The following UBXN11 variants were observed in gnomAD, a reference collection of about 807,000 sequenced individuals.
UBXN11 encodes the protein UBX domain protein 11, also known as UBX domain-containing protein 11.
In UBXN11, 47 loss-of-function variants were observed where a neutral mutation model predicts 62.8. The observed-to-expected ratio is 0.75, with a 90% CI of 0.59 to 0.95. The LOEUF (loss-of-function observed/expected upper bound fraction) is 0.95, where lower values mean the gene tolerates loss of function less well. Ranked by LOEUF, UBXN11 falls within the 40% of genes least tolerant of loss-of-function variation. UBXN11 has a pLI of 0.00. For missense variants in UBXN11, 638 were observed against 661.7 expected (o/e 0.96, Z 0.39); for synonymous variants, 294 against 267.0 (o/e 1.10, Z -0.99).
At chr1:26,292,809 G>A (rs1244792065) in intron 8 of UBXN11, among the ~76,000 whole-genome samples, 2 of 151,900 alleles carry the variant, frequency 1.3e-5, no homozygotes, top group African/African-American at 2.4e-5. Flanking sequence ...AGCCGAGATT[G>A]TGCCATTGCA....
chr1:26,302,750 C>T, intron 2 of UBXN11, 63 bp downstream of exon 2: 1 of 1,552,152 alleles, frequency 6.4e-7, no homozygotes, highest in Non-Finnish European at 8.8e-7. Flanking sequence ...GTCCTCTGGC[C>T]ATGGAAGGAT....
upstream of UBXN11, among the ~76,000 whole-genome samples, chr1:26,307,377 T>C (rs1028883240): frequency 1.3e-5 from 2 of 152,152 alleles, no homozygotes; most frequent in African/African-American, 4.8e-5. Flanking sequence ...CTACCCCCAC[T>C]GGGTTGCCGT....
intron 8 of UBXN11, 63 bp from the exon 9 acceptor site, chr1:26,286,100 C>T (rs1262882264): frequency 1.4e-6 from 2 of 1,457,786 alleles, no homozygotes; most frequent in African/African-American, 1.4e-5. Context: ...GCAGCCCTAG[C>T]CTCTGTGGCT....
At chr1:26,309,582 A>T (rs2073719686), upstream of UBXN11, among the ~76,000 whole-genome samples, 1 of 152,130 alleles carries the variant, frequency 6.6e-6, no homozygotes, top group Admixed American at 6.6e-5. Context: ...GGAAAGTCAG[A>T]GCCTTATTAT....
At chr1:26,315,575 C>T (rs936026696) in intron 1 of UBXN11, among the ~76,000 whole-genome samples, 5 of 152,186 alleles carry the variant, frequency 3.3e-5, no homozygotes, top group African/African-American at 1.2e-4. Context: ...TGGCTGGGGA[C>T]TCCTCCCTCT....
At chr1:26,305,242 C>T (rs543740913) in intron 1 of UBXN11, among the ~76,000 whole-genome samples, 8 of 151,838 alleles carry the variant, frequency 5.3e-5, no homozygotes, top group South Asian at 4.2e-4. Context: ...CTAGGATTAC[C>T]GGCGTGAGCC....
rs1333053051 is a variant in UBXN11 at position 26,284,175 on chromosome 1, A to C, written c.1044T>G (p.Ile348Met). 1 of 1,612,672 alleles carries C rather than the reference A, an allele frequency of 6.2e-7. No homozygotes were observed. The highest frequency in any genetic ancestry group is 1.3e-5 in the African/African-American group (1 of 74,884). Residue 348 changes from isoleucine (I) to methionine (M), a missense_variant, in exon 12 of 15, where the codon ATT (isoleucine) becomes ATG (methionine). By Grantham distance (10) the Ile-to-Met change is conservative. Coordinates refer to ENST00000374222, the MANE Select transcript of UBXN11 (RefSeq NM_001389556.1). ...PKFVIRQGEV[I>M]DIRGPIRDTL... is the part of the protein sequence containing the mutation. Reference sequence around the variant, plus strand: ...TGTCCCTGATGGGGCCCCGGATGTCAATCACCTCGCCTTGCCGGATCACAA... The same window carrying C: ...TGTCCCTGATGGGGCCCCGGATGTCCATCACCTCGCCTTGCCGGATCACAA...
At chr1:26,297,050 C>G in intron 6 of UBXN11, 55 bp from the exon 7 acceptor site, 1 of 1,548,882 alleles carries the variant, frequency 6.5e-7, no homozygotes, top group East Asian at 2.4e-5. Context: ...ACTGCCAGGT[C>G]ACCTCTGCCC....
At chr1:26,293,302 T>C (rs2073314606) in intron 8 of UBXN11, among the ~76,000 whole-genome samples, 1 of 152,070 alleles carries the variant, frequency 6.6e-6, no homozygotes, top group African/African-American at 2.4e-5. Flanking sequence ...GAAGCATCTT[T>C]TGGGTGACAA....
rs759819341 is a variant in UBXN11 at position 26,284,229 on chromosome 1, A to G, written c.990T>C (p.Ala330=). Residue 330 remains alanine (A), a synonymous_variant, in exon 12 of 15, where the codon GCT becomes GCC. Coordinates refer to ENST00000374222, the MANE Select transcript of UBXN11 (RefSeq NM_001389556.1). ...TGGGGAGCCTGTTCAGAAATTTCTC[A>G]GCAGTCATCCTGGAGCCTACAGGCA... The part of the protein sequence containing the change: ...VEEHPGSRMT[A]EKFLNRLPKF... 6.2e-6 allele frequency: 10 copies of G among 1,612,570 alleles called. No individual in the cohort carries two copies. Among genetic ancestry groups the G allele is most frequent in the Non-Finnish European group, 6.8e-6 (8 of 1,179,236 alleles).
intron 1 of UBXN11, among the ~76,000 whole-genome samples, chr1:26,313,315 G>T (rs528454340): frequency 6.6e-6 from 1 of 152,254 alleles, no homozygotes; most frequent in South Asian, 2.1e-4. Flanking sequence ...TGTGATCTAA[G>T]GTGCTTTGCA....
Position 26,302,779 on chromosome 1 carries a change from G to A in UBXN11, c.71+34C>T, listed in dbSNP as rs772617890. 260 of 1,596,036 alleles carry A rather than the reference G, an allele frequency of 1.6e-4. 1 individual carries two copies. Among genetic ancestry groups the A allele is most frequent in the Non-Finnish European group, 1.9e-4 (227 of 1,166,686 alleles). Reference sequence around the variant, plus strand: ...GAAGGATAGAAGAGGATACAGAGGCGGGGACAGAAAGACCCCTGAGGCTGG... The same window carrying A: ...GAAGGATAGAAGAGGATACAGAGGCAGGGACAGAAAGACCCCTGAGGCTGG... On this transcript the variant is annotated intron_variant, in intron 2 of 14. Transcript: ENST00000374222.
At chr1:26,316,553 C>A (rs1323777293) in intron 1 of UBXN11, among the ~76,000 whole-genome samples, 1 of 152,050 alleles carries the variant, frequency 6.6e-6, no homozygotes. Context: ...CCAGAGGTTA[C>A]ATACATGGCT....
intron 10 of UBXN11, chr1:26,285,174 G>A: frequency 8.3e-7 from 1 of 1,210,588 alleles, no homozygotes; most frequent in Non-Finnish European, 1.0e-6. Flanking sequence ...CTTCTGCAGG[G>A]ACCCCAGGTT....
In UBXN11 at chr1:26,282,509, G is replaced by A. The variant is rs143743472; in HGVS notation, c.1353C>T (p.Asp451=). ...FSTFPPTLYQ[D]DTLTLQAAGL... is the part of the protein sequence containing the mutation. Reference sequence around the variant, plus strand: ...CTGCAGCCTGCAGCGTGAGTGTATCGTCCTGGTAGAGGGTGGGCGGGAATG... The same window carrying A: ...CTGCAGCCTGCAGCGTGAGTGTATCATCCTGGTAGAGGGTGGGCGGGAATG... The change falls in exon 15 of 15, where the codon GAC becomes GAT. Residue 451 remains aspartate, a synonymous_variant. Coordinates refer to ENST00000374222, the MANE Select transcript of UBXN11 (RefSeq NM_001389556.1). 9.5e-4 allele frequency: 1,520 copies of A among 1,600,818 alleles called. 10 individuals are homozygous for A. In the African/African-American group the frequency reaches 0.017, roughly 18 times the overall value.
At chr1:26,307,344 T>C (rs1380775863), upstream of UBXN11, among the ~76,000 whole-genome samples, 2 of 152,216 alleles carry the variant, frequency 1.3e-5, no homozygotes, top group Admixed American at 6.5e-5. Flanking sequence ...TTAGTTTTTA[T>C]ATCTGTAAAA....
At chr1:26,291,275 G>C (rs1264985109) in intron 8 of UBXN11, among the ~76,000 whole-genome samples, 1 of 152,216 alleles carries the variant, frequency 6.6e-6, no homozygotes, top group Non-Finnish European at 1.5e-5. Flanking sequence ...CACCTGGGGA[G>C]AGAGGAACGG....
chr1:26,296,840 G>T, intron 7 of UBXN11, 79 bp downstream of exon 7: 1 of 1,462,048 alleles, frequency 6.8e-7, no homozygotes, highest in South Asian at 1.3e-5. Context: ...GGTGGGCTCG[G>T]ACCCAGCTCC....
upstream of UBXN11, among the ~76,000 whole-genome samples, chr1:26,310,596 C>T (rs1299655428): frequency 2.7e-5 from 4 of 150,700 alleles, no homozygotes; most frequent in South Asian, 2.1e-4. Flanking sequence ...GGCATGGTGG[C>T]GGTCGCCTGT....
Sources: allele counts gnomAD v4.1 joint callset (sites outside exome capture counted in the v4.1 genomes callset), GRCh38; gene constraint gnomAD v4.1.1; transcripts MANE v1.5; gene names NCBI Gene and HGNC (gene_info 2026-07-23, HGNC 2026-07-21).